The following FSTL4 variants were observed in gnomAD, a reference collection of about 807,000 sequenced individuals.
The protein encoded by FSTL4 is follistatin like 4, also known as follistatin-related protein 4.
FSTL4 carries 28 observed loss-of-function variants against 78.2 expected under a neutral mutation model. That is an observed-to-expected ratio of 0.36 (90% CI 0.27 to 0.49). The LOEUF is 0.49. Among genes scored for constraint, FSTL4 ranks in the 20% least tolerant of loss-of-function variants. The pLI is 0.98. For synonymous variants in FSTL4, 422 were observed against 440.5 expected, an observed-to-expected ratio of 0.96 and a Z score of 0.53; for missense variants, 922 against 1,084.9, an observed-to-expected ratio of 0.85 and a Z score of 2.11.
chr5:133,331,744 C>T (rs1754351624), intron 4 of FSTL4, among the ~76,000 whole-genome samples: 1 of 152,064 alleles, frequency 6.6e-6, no homozygotes, highest in Non-Finnish European at 1.5e-5. Context: ...AATCCCTGGT[C>T]AAAATAAAAC....
the FSTL4 span, among the ~76,000 whole-genome samples, chr5:133,660,339 G>C: frequency 6.6e-6 from 1 of 152,112 alleles, no homozygotes; most frequent in Non-Finnish European, 1.5e-5. Context: ...CATCCAGCAA[G>C]GGAAACCCAG....
the FSTL4 span, among the ~76,000 whole-genome samples, chr5:133,686,240 T>A: frequency 6.6e-6 from 1 of 152,228 alleles, no homozygotes; most frequent in Admixed American, 6.5e-5. Flanking sequence ...TTTCAGACTC[T>A]GTTCCTCTAC....
the FSTL4 span, among the ~76,000 whole-genome samples, chr5:133,789,610 A>G: frequency 6.6e-6 from 1 of 152,238 alleles, no homozygotes; most frequent in Non-Finnish European, 1.5e-5. Flanking sequence ...TTGGTGTATT[A>G]GTTGGCTCAG....
the FSTL4 span, among the ~76,000 whole-genome samples, chr5:133,650,671 C>A: frequency 7.2e-5 from 11 of 152,286 alleles, 1 homozygote; most frequent in African/African-American, 2.6e-4. Flanking sequence ...CAGTAAAACA[C>A]TGTCTTGATT....
At chr5:133,295,618 TC>T (rs1753376443) in intron 6 of FSTL4, among the ~76,000 whole-genome samples, 1 of 152,186 alleles carries the variant, frequency 6.6e-6, no homozygotes, top group African/African-American at 2.4e-5. Context: ...CCCTCTCCCA[TC>T]CCACTGCGTG....
the FSTL4 span, among the ~76,000 whole-genome samples, chr5:133,657,260 TG>T: frequency 2.0e-5 from 3 of 152,080 alleles, no homozygotes; most frequent in Non-Finnish European, 4.4e-5. Flanking sequence ...TGGCATTGAG[TG>T]GCACATAGTT....
At chr5:133,786,313 G>A in the FSTL4 span, among the ~76,000 whole-genome samples, 1 of 152,198 alleles carries the variant, frequency 6.6e-6, no homozygotes, top group Non-Finnish European at 1.5e-5. Flanking sequence ...GCAGTTAAAT[G>A]TTTCATGGGC....
chr5:133,199,031 T>A lies in FSTL4; in HGVS notation c.*64A>T. 9.7e-7 allele frequency: 1 copy of A among 1,030,358 alleles called. No individual in the cohort carries two copies. The highest frequency in any genetic ancestry group is 1.4e-6 in the Non-Finnish European group (1 of 709,242). The allele number at this position is 1,030,358 out of a possible 1,614,324, so 63.8% of individuals were successfully genotyped here. ...TGTCTGTAAAAATGTACAGCGTACC[T>A]GCTTGAGGCTGCAGTGTCAGGACTA... On this transcript the variant is annotated 3_prime_UTR_variant, in exon 16 of 16. Coordinates refer to ENST00000265342, the MANE Select transcript of FSTL4 (RefSeq NM_015082.2). This position sits in a 1 kb window ranked among gnomAD's most constrained non-coding sequence, Gnocchi z 4.4.
chr5:133,642,196 T>A, the FSTL4 span, among the ~76,000 whole-genome samples: 16 of 152,192 alleles, frequency 1.1e-4, no homozygotes, highest in African/African-American at 2.9e-4. Context: ...GAATAGTGCT[T>A]GAAACAACCT....
At chr5:133,683,368 T>C in the FSTL4 span, among the ~76,000 whole-genome samples, 3 of 150,588 alleles carry the variant, frequency 2.0e-5, no homozygotes, top group African/African-American at 7.5e-5. Context: ...ATTCATGAGC[T>C]CACATTTTCA....
chr5:133,622,473 G>A, the FSTL4 span, among the ~76,000 whole-genome samples: 1 of 152,088 alleles, frequency 6.6e-6, no homozygotes. Flanking sequence ...GAATAAAAAT[G>A]TTACACGAAA....
intron 4 of FSTL4, among the ~76,000 whole-genome samples, chr5:133,368,758 TG>T (rs1194159506): frequency 1.3e-5 from 2 of 152,158 alleles, no homozygotes; most frequent in Non-Finnish European, 2.9e-5. Context: ...TCTAGCCCCA[TG>T]GGCAGCTGTG....
chr5:133,637,724 C>G, the FSTL4 span, among the ~76,000 whole-genome samples: 4 of 151,792 alleles, frequency 2.6e-5, no homozygotes, highest in Admixed American at 2.6e-4. Flanking sequence ...TGGAAGAGCT[C>G]TTCCTCTTCA....
chr5:133,298,796 C>G (rs2126875632), intron 6 of FSTL4, among the ~76,000 whole-genome samples: 1 of 152,358 alleles, frequency 6.6e-6, no homozygotes, highest in African/African-American at 2.4e-5. Context: ...GGCCATTCTC[C>G]CTGGAAGTGC....
At chr5:133,696,797 C>A in the FSTL4 span, among the ~76,000 whole-genome samples, 2 of 152,162 alleles carry the variant, frequency 1.3e-5, no homozygotes, top group African/African-American at 2.4e-5. Flanking sequence ...GTTAGGTATG[C>A]GAGTGGGTAC....
the FSTL4 span, among the ~76,000 whole-genome samples, chr5:133,837,658 T>C: frequency 6.6e-6 from 1 of 152,154 alleles, no homozygotes. Context: ...CTCTTATAAA[T>C]TTCAACTCAA....
chr5:133,216,573 A>G (rs1750915812), intron 13 of FSTL4, among the ~76,000 whole-genome samples: 1 of 151,888 alleles, frequency 6.6e-6, no homozygotes, highest in Non-Finnish European at 1.5e-5. Flanking sequence ...CTGGTCTCAA[A>G]CTCCTGACCT....
the FSTL4 span, among the ~76,000 whole-genome samples, chr5:133,636,389 G>C: frequency 3.3e-5 from 5 of 152,178 alleles, no homozygotes; most frequent in East Asian, 7.7e-4. Flanking sequence ...CAGCCTGTGG[G>C]CTCTTTGAGG....
At chr5:133,547,304 T>C (rs1312279959) in intron 3 of FSTL4, among the ~76,000 whole-genome samples, 4 of 152,302 alleles carry the variant, frequency 2.6e-5, no homozygotes, top group Admixed American at 6.5e-5. Context: ...ATCTTGGAAG[T>C]AGATAACTCA....
Sources: allele counts gnomAD v4.1 joint callset (sites outside exome capture counted in the v4.1 genomes callset), GRCh38; gene constraint gnomAD v4.1.1; non-coding constraint Gnocchi (gnomAD v3.1); transcripts MANE v1.5; gene names NCBI Gene and HGNC (gene_info 2026-07-23, HGNC 2026-07-21).